Variants in NELL2 observed in about 807,000 individuals in gnomAD.
NELL2 encodes protein kinase C-binding protein NELL2.
Under a neutral mutation model 109.6 loss-of-function variants are expected in NELL2, and 41 were observed. The observed-to-expected ratio is 0.37, with a 90% CI of 0.29 to 0.49. The LOEUF is 0.49. NELL2 is among the 20% of genes least tolerant of loss of function. NELL2 has a pLI of 0.98. For synonymous variants in NELL2, 355 were observed against 344.7 expected (o/e 1.03, Z -0.33); for missense variants, 900 against 1,008.3 (o/e 0.89, Z 1.45).
intron 19 of NELL2, 45 bp downstream of exon 19, chr12:44,519,960 G>C: frequency 6.5e-7 from 1 of 1,533,790 alleles, no homozygotes; most frequent in Non-Finnish European, 9.0e-7. Context: ...TGAGCCCTGG[G>C]TGCAGCTGGC....
intron 12 of NELL2, among the ~76,000 whole-genome samples, chr12:44,671,141 C>T (rs1243756196): frequency 6.6e-6 from 1 of 152,114 alleles, no homozygotes; most frequent in Non-Finnish European, 1.5e-5. Context: ...AACAGAAATT[C>T]TAGAAATTGT....
At chr12:44,899,026 A>C (rs1945627433) in intron 1 of NELL2, among the ~76,000 whole-genome samples, 1 of 152,106 alleles carries the variant, frequency 6.6e-6, no homozygotes, top group Admixed American at 6.5e-5. Flanking sequence ...AGATCAACTT[A>C]ATGAAATAAA....
chr12:44,753,052 A>T (rs1940723642), intron 9 of NELL2, among the ~76,000 whole-genome samples: 1 of 152,100 alleles, frequency 6.6e-6, no homozygotes, highest in Non-Finnish European at 1.5e-5. Context: ...AGTTCATTGA[A>T]CACAGAATCA....
chr12:44,872,308 A>C (rs1223347125), intron 2 of NELL2, among the ~76,000 whole-genome samples: 1 of 152,172 alleles, frequency 6.6e-6, no homozygotes, highest in Non-Finnish European at 1.5e-5. Flanking sequence ...GGCAAAGATC[A>C]AAAGCCATAT....
intron 12 of NELL2, among the ~76,000 whole-genome samples, chr12:44,677,602 T>C (rs1350819403): frequency 2.0e-5 from 3 of 152,088 alleles, no homozygotes; most frequent in African/African-American, 7.2e-5. Flanking sequence ...TGGTAGAGGA[T>C]AAATTAGAGA....
chr12:44,589,627 C>T (rs565605753), intron 15 of NELL2, among the ~76,000 whole-genome samples: 2 of 152,306 alleles, frequency 1.3e-5, no homozygotes, highest in South Asian at 4.1e-4. Flanking sequence ...GATCCGCCCA[C>T]CTTGGCCTCC....
intron 9 of NELL2, among the ~76,000 whole-genome samples, chr12:44,732,982 T>A (rs1211960771): frequency 6.6e-6 from 1 of 151,930 alleles, no homozygotes; most frequent in African/African-American, 2.4e-5. Context: ...AAAATGCAAA[T>A]CAAAACTGCA....
chr12:44,813,795 AC>A (rs1943251229), intron 3 of NELL2, among the ~76,000 whole-genome samples: 2 of 152,114 alleles, frequency 1.3e-5, no homozygotes, highest in East Asian at 1.9e-4. Flanking sequence ...ATAATCTAAA[AC>A]AATAAATATT....
At position 44,788,822 on chromosome 12, in the gene NELL2, G is replaced by T. The variant is rs370778352; in HGVS notation, c.336-8800C>A. On this transcript the variant is annotated intron_variant, in intron 3 of 19. Transcript: ENST00000429094. ...AACAGACTCGGGGCTGTTGGGGCAGGGCACAGGGGGAGTAAGACCGCCCCT... is the reference window on the plus strand; with the variant it reads ...AACAGACTCGGGGCTGTTGGGGCAGTGCACAGGGGGAGTAAGACCGCCCCT... Among the ~76,000 whole-genome samples the T allele has an allele frequency of 5.9e-5, 9 of 152,242 alleles. No homozygotes were observed. The South Asian group carries it at 1.9e-3, about 32-fold the overall frequency.
intron 9 of NELL2, among the ~76,000 whole-genome samples, chr12:44,747,669 A>G (rs1185882960): frequency 6.6e-6 from 1 of 152,074 alleles, no homozygotes; most frequent in Non-Finnish European, 1.5e-5. Flanking sequence ...GAAGTAGATT[A>G]TCATAAAGGT....
At position 44,699,373 on chromosome 12, in the gene NELL2, T is replaced by C. The variant is rs574235041; in HGVS notation, c.1318+4353A>G. On this transcript the variant is annotated intron_variant, in intron 12 of 19. Coordinates refer to ENST00000429094, the MANE Select transcript of NELL2 (RefSeq NM_001145108.2). Reference sequence around the variant, plus strand: ...CTAGACAAGCCATGCTGTTATAAAATCCTAATATTATACTATGTTTATAAA... The same window carrying C: ...CTAGACAAGCCATGCTGTTATAAAACCCTAATATTATACTATGTTTATAAA... 2.5e-3 allele frequency among the ~76,000 whole-genome samples: 379 copies of C among 152,146 alleles called. 1 individual carries two copies. Among genetic ancestry groups the C allele is most frequent in the Non-Finnish European group, 3.0e-3 (201 of 68,010 alleles).
intron 15 of NELL2, among the ~76,000 whole-genome samples, chr12:44,600,129 T>TTTATTTAG (rs1945156409): frequency 2.6e-5 from 1 of 38,590 alleles, no homozygotes; most frequent in Admixed American, 1.9e-4. Flanking sequence ...GCCCGGCTAA[T>TTTATTTAG]TTATTTATTT....
chr12:44,558,542 G>T (rs988229710), intron 15 of NELL2, among the ~76,000 whole-genome samples: 23 of 152,182 alleles, frequency 1.5e-4, no homozygotes, highest in African/African-American at 5.6e-4. Context: ...GCGGGAGGGG[G>T]TGCGTCACCT....
chr12:44,704,767 C>T lies in NELL2; in HGVS notation c.1190-913G>A, dbSNP rs187887225. 6.6e-5 allele frequency among the ~76,000 whole-genome samples: 10 copies of T among 152,138 alleles called. No individual in the cohort carries two copies. In the East Asian group the frequency reaches 1.9e-3, roughly 29 times the overall value. ...GGCATGGTGGCTCACACCTGTAATCCCAGCACTTTGGGAGGCTGAAGCAGA... is the reference window on the plus strand; with the variant it reads ...GGCATGGTGGCTCACACCTGTAATCTCAGCACTTTGGGAGGCTGAAGCAGA... On this transcript the variant is annotated intron_variant, in intron 11 of 19. Coordinates refer to ENST00000429094, the MANE Select transcript of NELL2 (RefSeq NM_001145108.2).
At chr12:44,521,326 C>T (rs1012092928) in intron 18 of NELL2, among the ~76,000 whole-genome samples, 2 of 151,850 alleles carry the variant, frequency 1.3e-5, no homozygotes, top group Non-Finnish European at 2.9e-5. Context: ...GTCAGGAGAT[C>T]GAGACCATCC....
intron 15 of NELL2, among the ~76,000 whole-genome samples, chr12:44,583,102 T>A (rs1024995084): frequency 1.3e-5 from 2 of 152,178 alleles, no homozygotes; most frequent in East Asian, 3.9e-4. Context: ...TATGTGGTAT[T>A]CTGTTATAGC....
At chr12:44,734,520 CT>C (rs1462932293) in intron 9 of NELL2, among the ~76,000 whole-genome samples, 1 of 151,768 alleles carries the variant, frequency 6.6e-6, no homozygotes, top group Non-Finnish European at 1.5e-5. Context: ...TTCTCTTTTT[CT>C]GCCTATGCTG....
chr12:44,569,159 T>A (rs1943768768), intron 15 of NELL2, among the ~76,000 whole-genome samples: 1 of 152,178 alleles, frequency 6.6e-6, no homozygotes, highest in Admixed American at 6.6e-5. Context: ...CTGCATTAGT[T>A]TGCTAACAAT....
At chr12:44,861,269 C>A (rs867141785) in intron 2 of NELL2, among the ~76,000 whole-genome samples, 1 of 152,076 alleles carries the variant, frequency 6.6e-6, no homozygotes, top group African/African-American at 2.4e-5. Flanking sequence ...TTTCAGACCC[C>A]AAAAATAGGC....
Sources: allele counts gnomAD v4.1 joint callset (sites outside exome capture counted in the v4.1 genomes callset), GRCh38; gene constraint gnomAD v4.1.1; transcripts MANE v1.5; gene names NCBI Gene and HGNC (gene_info 2026-07-23, HGNC 2026-07-21).